The following FUT9 variants were observed in gnomAD, a reference collection of about 807,000 sequenced individuals.
The protein encoded by FUT9 is fucosyltransferase 9.
In FUT9, 15 loss-of-function variants were observed where a neutral mutation model predicts 29.7. The observed-to-expected ratio is 0.51, with a 90% CI of 0.34 to 0.78. The LOEUF is 0.78. Ranked by LOEUF, FUT9 falls within the 30% of genes least tolerant of loss-of-function variation. FUT9 has a pLI of 0.01. For missense variants in FUT9, 319 were observed against 425.4 expected, an observed-to-expected ratio of 0.75 and a Z score of 2.20; for synonymous variants, 169 against 153.7, an observed-to-expected ratio of 1.10 and a Z score of -0.74.
At chr6:96,172,821 A>AG (rs5878422) in intron 2 of FUT9, among the ~76,000 whole-genome samples, 142,114 of 152,156 alleles carry the variant, frequency 0.93, 67,163 homozygotes, top group East Asian at 1. Context: ...ATAAAGAGAT[A>AG]GGTTCTCAAT....
chr6:96,117,338 C>A (rs532308334), intron 2 of FUT9, among the ~76,000 whole-genome samples: 3 of 152,042 alleles, frequency 2.0e-5, no homozygotes, highest in Non-Finnish European at 2.9e-5. Context: ...ATTAACCTTG[C>A]GTTGCTAGAT....
intron 2 of FUT9, among the ~76,000 whole-genome samples, chr6:96,132,128 T>C (rs933190701): frequency 1.3e-5 from 2 of 152,056 alleles, no homozygotes; most frequent in Admixed American, 1.3e-4. Flanking sequence ...CATCCTAACA[T>C]TTACATCACT....
Position 96,203,572 on chromosome 6 carries a change from A to T in FUT9, c.417A>T (p.Pro139=). 1 of 1,613,878 alleles carries T rather than the reference A, an allele frequency of 6.2e-7. No homozygotes were observed. ...QKWIWMNLES[P]THTPQKSGIE... is the part of the protein sequence containing the mutation. ...GGATTTGGATGAATTTGGAATCACC[A>T]ACTCACACTCCCCAAAAGAGTGGCA... The change falls in exon 3 of 3, where the codon CCA becomes CCT. Residue 139 remains proline (P), a synonymous_variant. Coordinates refer to ENST00000302103, the MANE Select transcript of FUT9 (RefSeq NM_006581.4).
At chr6:96,081,111 A>G (rs1392792440) in intron 1 of FUT9, among the ~76,000 whole-genome samples, 2 of 151,792 alleles carry the variant, frequency 1.3e-5, no homozygotes, top group Admixed American at 6.6e-5. Flanking sequence ...ACTAGTTATA[A>G]TATCTGTAAA....
intron 2 of FUT9, among the ~76,000 whole-genome samples, chr6:96,141,708 A>G (rs1193402938): frequency 6.6e-6 from 1 of 152,136 alleles, no homozygotes; most frequent in Non-Finnish European, 1.5e-5. Flanking sequence ...AGAACTCAAG[A>G]ATTATGTTGC....
At chr6:96,066,951 G>T (rs1393595283) in intron 1 of FUT9, among the ~76,000 whole-genome samples, 1 of 151,690 alleles carries the variant, frequency 6.6e-6, no homozygotes, top group Non-Finnish European at 1.5e-5. Context: ...CCTAAAATAT[G>T]GTTTACCTAA....
At chr6:96,074,940 C>T (rs567794261) in intron 1 of FUT9, among the ~76,000 whole-genome samples, 65 of 151,770 alleles carry the variant, frequency 4.3e-4, no homozygotes, top group African/African-American at 1.5e-3. Context: ...CCATGGCCAG[C>T]GAATTTTTTT....
At chr6:96,063,391 C>T (rs144805588) in intron 1 of FUT9, among the ~76,000 whole-genome samples, 48 of 152,234 alleles carry the variant, frequency 3.2e-4, no homozygotes, top group South Asian at 1.2e-3. Flanking sequence ...AAGCGCATCA[C>T]ATGGCAAAAG....
At position 96,204,359 on chromosome 6, in the gene FUT9, T is replaced by TGATA; in HGVS notation, c.*124_*125insGATA. The TGATA allele has an allele frequency of 1.6e-6, 1 of 618,306 alleles. No homozygotes were observed. The highest frequency in any genetic ancestry group is 2.6e-6 in the Non-Finnish European group (1 of 390,526). 38.3% of individuals were successfully genotyped at this position (618,306 alleles called of 1,614,324 possible). A position where few individuals can be genotyped will look rare whatever the true frequency, so the allele number is the denominator to read the frequency against. On this transcript the variant is annotated 3_prime_UTR_variant, in exon 3 of 3. Transcript: ENST00000302103. ...TTTATTTTTATCACCCTCTCTAGGG[T>TGATA]AACGTGTATATTTTGGTGGAGATTT... is the stretch of plus-strand genomic sequence containing the variant.
chr6:96,098,244 C>G (rs1324460943), intron 1 of FUT9, among the ~76,000 whole-genome samples: 8 of 152,116 alleles, frequency 5.3e-5, no homozygotes, highest in East Asian at 1.9e-4. Context: ...TTTTCAGAAC[C>G]TATAACTTCT....
At chr6:96,107,340 A>T (rs976076382) in intron 1 of FUT9, among the ~76,000 whole-genome samples, 19 of 152,234 alleles carry the variant, frequency 1.2e-4, no homozygotes, top group African/African-American at 4.6e-4. Flanking sequence ...TTTTGATTAA[A>T]TAAGTCTTTA....
At chr6:96,064,555 A>G (rs1159203360) in intron 1 of FUT9, among the ~76,000 whole-genome samples, 1 of 152,048 alleles carries the variant, frequency 6.6e-6, no homozygotes, top group African/African-American at 2.4e-5. Context: ...CTCTACTTGG[A>G]AGTAACTTTT....
intron 1 of FUT9, among the ~76,000 whole-genome samples, chr6:96,028,768 T>C (rs936784027): frequency 6.6e-6 from 1 of 151,602 alleles, no homozygotes; most frequent in African/African-American, 2.4e-5. Context: ...TATTATATAA[T>C]AATGCAGGAA....
chr6:96,182,665 A>G (rs1460023358), intron 2 of FUT9, among the ~76,000 whole-genome samples: 1 of 152,052 alleles, frequency 6.6e-6, no homozygotes, highest in Admixed American at 6.6e-5. Context: ...GTGGCTAGCC[A>G]ATTATCCCAG....
At chr6:96,055,503 G>T (rs1770746097) in intron 1 of FUT9, among the ~76,000 whole-genome samples, 2 of 150,382 alleles carry the variant, frequency 1.3e-5, no homozygotes, top group Non-Finnish European at 3.0e-5. Context: ...AATTTATTTA[G>T]ATTTTAAAAA....
chr6:96,070,480 G>C lies in FUT9; in HGVS notation c.-97-43559G>C, dbSNP rs1443060662. Among the ~76,000 whole-genome samples, 4 of 152,190 alleles carry C rather than the reference G, an allele frequency of 2.6e-5. No individual in the cohort carries two copies. In the East Asian group the frequency reaches 5.8e-4, roughly 22 times the overall value. The stretch of plus-strand genomic sequence containing the variant: ...GTGGCAGGATCGCTTGAGCTCAGGA[G>C]TACGAGACCAGCCTGGGCAACACGG... On this transcript the variant is annotated intron_variant, in intron 1 of 2. Coordinates refer to ENST00000302103, the MANE Select transcript of FUT9 (RefSeq NM_006581.4).
chr6:96,096,394 A>G (rs1414881622), intron 1 of FUT9, among the ~76,000 whole-genome samples: 1 of 152,090 alleles, frequency 6.6e-6, no homozygotes, highest in East Asian at 1.9e-4. Flanking sequence ...AACATAGCAG[A>G]GTGGTTATTT....
chr6:96,142,467 C>A (rs1192414727), intron 2 of FUT9, among the ~76,000 whole-genome samples: 1 of 152,010 alleles, frequency 6.6e-6, no homozygotes, highest in Non-Finnish European at 1.5e-5. Flanking sequence ...AGGCCAAATA[C>A]CAGAAGATCT....
chr6:96,082,281 A>G (rs2127951159), intron 1 of FUT9, among the ~76,000 whole-genome samples: 1 of 151,818 alleles, frequency 6.6e-6, no homozygotes, highest in Non-Finnish European at 1.5e-5. Context: ...AGCTTTTAAA[A>G]TTTGCCTTTC....
Sources: gnomAD v4.1 joint callset for allele counts (sites outside exome capture counted in the v4.1 genomes callset) on GRCh38, gnomAD v4.1.1 for gene constraint, MANE v1.5 for transcripts, NCBI Gene and HGNC (gene_info 2026-07-23, HGNC 2026-07-21) for gene names.